Variants in MALT1 observed in about 807,000 individuals in gnomAD.
MALT1 encodes the protein MALT1 paracaspase, also known as mucosa-associated lymphoid tissue lymphoma translocation protein 1.
MALT1 carries 36 observed loss-of-function variants against 85.5 expected under a neutral mutation model. The observed-to-expected ratio is 0.42, with a 90% CI of 0.32 to 0.56. The LOEUF is 0.56. MALT1 is among the 20% of genes least tolerant of loss of function. The pLI, the probability that MALT1 is intolerant of heterozygous loss-of-function variation, is 0.10. For synonymous variants in MALT1, 359 were observed against 361.3 expected, an observed-to-expected ratio of 0.99 and a Z score of 0.07; for missense variants, 716 against 981.6, an observed-to-expected ratio of 0.73 and a Z score of 3.62.
In MALT1 at chr18:58,671,774, T is replaced by G. The variant is rs2054165127; in HGVS notation, c.131T>G (p.Leu44Arg). 8.0e-7 allele frequency: 1 copy of G among 1,257,006 alleles called. No individual in the cohort carries two copies. The highest frequency in any genetic ancestry group is 1.0e-6 in the Non-Finnish European group (1 of 1,002,230). 77.9% of individuals were successfully genotyped at this position (1,257,006 alleles called of 1,614,324 possible). ...CCGCTGCTGCGGAGGCTCAGCGAGC[T>G]CCTGGATCAGGCGCCCGAGGGCCGG... ...REPLLRRLSE[L>R]LDQAPEGRGW... is the part of the protein sequence containing the mutation. Residue 44 changes from leucine to arginine, a missense_variant, in exon 1 of 17, where the codon CTC becomes CGC. Leu to Arg is a moderately radical substitution (Grantham distance 102, BLOSUM62 -2). Coordinates refer to ENST00000649217, the MANE Select transcript of MALT1 (RefSeq NM_006785.4).
intron 1 of MALT1, among the ~76,000 whole-genome samples, chr18:58,678,389 A>G (rs1341558011): frequency 1.3e-5 from 2 of 152,250 alleles, no homozygotes; most frequent in Admixed American, 1.3e-4. Flanking sequence ...TCATTCAGTA[A>G]TCATTCATTA....
rs1304125557 is a variant in MALT1 at position 58,753,545 on chromosome 18, T to C, written c.*5703T>C. On this transcript the variant is annotated 3_prime_UTR_variant, in exon 17 of 17. Coordinates refer to ENST00000649217, the MANE Select transcript of MALT1 (RefSeq NM_006785.4). ...TTCTAAAGTTGCAATTTTTGTTCAC[T>C]CCAGAATCACTTTTCAAAAAGCATG... 1.3e-5 allele frequency: 2 copies of C among 152,196 alleles called. No homozygotes were observed. The highest frequency in any genetic ancestry group is 2.9e-5 in the Non-Finnish European group (2 of 68,028). The allele number at this position is 152,196 out of a possible 1,614,324, so 9.4% of individuals were successfully genotyped here. A position where few individuals can be genotyped will look rare whatever the true frequency, so the allele number is the denominator to read the frequency against.
chr18:58,684,545 C>G (rs1202644340), intron 2 of MALT1, among the ~76,000 whole-genome samples: 1 of 145,564 alleles, frequency 6.9e-6, no homozygotes, highest in East Asian at 2.1e-4. Flanking sequence ...CTCCCAGGTT[C>G]AAGCGATTCT....
intron 2 of MALT1, among the ~76,000 whole-genome samples, chr18:58,684,158 C>T (rs1408424796): frequency 1.3e-5 from 2 of 152,008 alleles, no homozygotes; most frequent in Non-Finnish European, 2.9e-5. Context: ...GTCTTGAACT[C>T]CTGGGCTCTA....
chr18:58,735,093 T>C (rs2055206604), intron 12 of MALT1, 109 bp from the exon 13 acceptor site: 1 of 929,612 alleles, frequency 1.1e-6, no homozygotes, highest in Admixed American at 2.9e-5. Context: ...GTAACCACCA[T>C]TCTGCTGGGT....
intron 4 of MALT1, among the ~76,000 whole-genome samples, chr18:58,703,311 T>G (rs2054700833): frequency 6.6e-6 from 1 of 151,842 alleles, no homozygotes; most frequent in Admixed American, 6.6e-5. Flanking sequence ...GAGCCAAGAT[T>G]GCACCATGGC....
In MALT1 at chr18:58,700,500, C is replaced by A. The variant is rs2144361835; in HGVS notation, c.558C>A (p.Gly186=). Residue 186 remains glycine (G), a synonymous_variant, in exon 4 of 17, where the codon GGC becomes GGA. Transcript: ENST00000649217. ...ATGCAGTGCATGTAAAAGATGCAGG[C>A]TTTTATGTCTGTCGAGTTAATAACA... is the stretch of plus-strand genomic sequence containing the variant. ...IFNAVHVKDA[G]FYVCRVNNNF... is the part of the protein sequence containing the mutation. The A allele has an allele frequency of 1.2e-6, 2 of 1,612,558 alleles. No homozygotes were observed. The highest frequency in any genetic ancestry group is 1.7e-6 in the Non-Finnish European group (2 of 1,179,470).
At chr18:58,698,093 A>T (rs374197338) in intron 3 of MALT1, among the ~76,000 whole-genome samples, 148 of 122,106 alleles carry the variant, frequency 1.2e-3, no homozygotes, top group African/African-American at 3.9e-3. Flanking sequence ...TTTGAGATGG[A>T]GTCTCGCTCT....
chr18:58,705,235 T>C (rs541354696), intron 4 of MALT1, among the ~76,000 whole-genome samples: 1 of 152,144 alleles, frequency 6.6e-6, no homozygotes, highest in East Asian at 1.9e-4. Flanking sequence ...CATTGTATAT[T>C]TGTTGTCATA....
chr18:58,699,857 C>A (rs1406835024), intron 3 of MALT1, among the ~76,000 whole-genome samples: 1 of 152,176 alleles, frequency 6.6e-6, no homozygotes, highest in South Asian at 2.1e-4. Context: ...ATGGCCATCC[C>A]GTCTTACTGT....
intron 2 of MALT1, among the ~76,000 whole-genome samples, chr18:58,683,868 T>C (rs1490851524): frequency 6.6e-6 from 1 of 152,202 alleles, no homozygotes; most frequent in Non-Finnish European, 1.5e-5. Context: ...TTTTTTTCTT[T>C]TTGTTTTTAA....
rs1260275379 is a variant in MALT1, at chr18:58,700,416, ACTTCT to A, written c.499-21_499-17del. The A allele has an allele frequency of 6.4e-7, 1 of 1,569,434 alleles. No individual in the cohort carries two copies. Among genetic ancestry groups the A allele is most frequent in the Non-Finnish European group, 8.6e-7 (1 of 1,160,598 alleles). On this transcript the variant is annotated intron_variant, in intron 3 of 16. Transcript: ENST00000649217. ...AAGGTGTGTTTTTGATGAGTCATCC[ACTTCT>A]CTTATTGATTCTTTCACAGATTCCA...
intron 3 of MALT1, among the ~76,000 whole-genome samples, chr18:58,696,767 C>G (rs1478189297): frequency 1.3e-5 from 2 of 152,142 alleles, no homozygotes; most frequent in African/African-American, 4.8e-5. Context: ...TATAAAACAT[C>G]ACCAGTACAT....
chr18:58,733,592 T>C lies in MALT1; in HGVS notation c.1400+18T>C, dbSNP rs1203710931. ...AGGAAAAGGTAAGTTTTCTAATCTT[T>C]ATTAAAGAATTGTTGGAGTTAAATA... On this transcript the variant is annotated intron_variant, in intron 11 of 16. Transcript: ENST00000649217. The C allele has an allele frequency of 1.3e-6, 2 of 1,540,384 alleles. No individual in the cohort carries two copies. Among genetic ancestry groups the C allele is most frequent in the African/African-American group, 2.8e-5 (2 of 72,186 alleles).
intron 4 of MALT1, among the ~76,000 whole-genome samples, chr18:58,705,289 C>CGTGTGTGTGTGTGT (rs59890170): frequency 6.8e-6 from 1 of 147,000 alleles, no homozygotes; most frequent in Non-Finnish European, 1.5e-5. Context: ...TGTAAAAGTA[C>CGTGTGTGTGTGTGT]GTGTGTGTGT....
At chr18:58,716,326 G>A (rs568802932) in intron 9 of MALT1, among the ~76,000 whole-genome samples, 2 of 152,290 alleles carry the variant, frequency 1.3e-5, no homozygotes, top group South Asian at 2.1e-4. Context: ...TAGCTTTAGC[G>A]TTTGCTCCCC....
At chr18:58,692,043 C>CAAAAAAA (rs56255300) in intron 2 of MALT1, 1 of 62,556 alleles carries the variant, frequency 1.6e-5, no homozygotes, top group Non-Finnish European at 2.9e-5. Flanking sequence ...GACTCCGTCT[C>CAAAAAAA]AAAAAAAAAA....
chr18:58,729,147 T>C (rs953062606), intron 10 of MALT1, among the ~76,000 whole-genome samples: 3 of 152,186 alleles, frequency 2.0e-5, no homozygotes, highest in Admixed American at 6.5e-5. Context: ...TGCTATGTGC[T>C]GAGAGAAATA....
At chr18:58,736,129 A>G (rs1007506121) in intron 13 of MALT1, among the ~76,000 whole-genome samples, 1 of 152,184 alleles carries the variant, frequency 6.6e-6, no homozygotes, top group Non-Finnish European at 1.5e-5. Flanking sequence ...CTTCAAAATA[A>G]AAAATAAAAA....
Sources: allele counts gnomAD v4.1 joint callset (sites outside exome capture counted in the v4.1 genomes callset), GRCh38; gene constraint gnomAD v4.1.1; transcripts MANE v1.5; gene names NCBI Gene and HGNC (gene_info 2026-07-23, HGNC 2026-07-21).